ALK: variants seen among roughly 807,000 people sequenced by gnomAD.
The protein encoded by ALK is ALK tyrosine kinase receptor.
A neutral mutation model predicts 163.1 loss-of-function variants in ALK; 74 were observed. The observed-to-expected ratio is 0.45, with a 90% CI of 0.38 to 0.55. The LOEUF (loss-of-function observed/expected upper bound fraction) is 0.55, where lower values mean the gene tolerates loss of function less well. Ranked by LOEUF, ALK falls within the 20% of genes least tolerant of loss-of-function variation. The pLI is 0.00. For synonymous variants in ALK, 960 were observed against 843.2 expected (o/e 1.14, Z -2.40); for missense variants, 2,063 against 2,105.3 (o/e 0.98, Z 0.39).
chr2:29,643,076 A>G (rs1676750268), intron 3 of ALK, among the ~76,000 whole-genome samples: 1 of 152,146 alleles, frequency 6.6e-6, no homozygotes, highest in Admixed American at 6.5e-5. Flanking sequence ...CAGAGATAAA[A>G]TGGTATGGGG....
In ALK at chr2:29,806,984, ATAAT is replaced by A. The variant is rs1395295910; in HGVS notation, c.668-89291_668-89288del. On this transcript the variant is annotated intron_variant, in intron 1 of 28. Coordinates refer to ENST00000389048, the MANE Select transcript of ALK (RefSeq NM_004304.5). ...ACGTGCACGCACATACACACACACCATAATTAAAGAGATCTTAGACAACCCGACC... is the reference window on the plus strand; with the variant it reads ...ACGTGCACGCACATACACACACACCATAAAGAGATCTTAGACAACCCGACC... Among the ~76,000 whole-genome samples the A allele has an allele frequency of 2.0e-5, 3 of 152,366 alleles. No individual in the cohort carries two copies. In the East Asian group the frequency reaches 5.8e-4, roughly 29 times the overall value.
Position 29,193,163 on chromosome 2 carries a change from G to GATT in ALK, c.*60_*61insAAT. ...GTCTCTGGTTTGTGAAGGAGCCATT[G>GATT]CCTCTCTCTCCTCCACGGTCTTAGG... On this transcript the variant is annotated 3_prime_UTR_variant, in exon 29 of 29. Transcript: ENST00000389048. 6.4e-7 allele frequency: 1 copy of GATT among 1,558,698 alleles called. No individual in the cohort carries two copies. The highest frequency in any genetic ancestry group is 8.8e-7 in the Non-Finnish European group (1 of 1,134,452).
At chr2:29,748,132 G>C (rs79243272) in intron 1 of ALK, among the ~76,000 whole-genome samples, 2,273 of 152,302 alleles carry the variant, frequency 0.015, 26 homozygotes, top group Non-Finnish European at 0.022. Flanking sequence ...CCCACAACAA[G>C]AGATCCACAT....
At chr2:29,510,656 T>C (rs994528340) in intron 4 of ALK, among the ~76,000 whole-genome samples, 3 of 152,208 alleles carry the variant, frequency 2.0e-5, no homozygotes, top group African/African-American at 7.2e-5. Context: ...GAAACACCTA[T>C]ACAAAACAAT....
At chr2:29,808,450 C>A (rs1664673024) in intron 1 of ALK, among the ~76,000 whole-genome samples, 3 of 152,220 alleles carry the variant, frequency 2.0e-5, no homozygotes, top group Admixed American at 2.0e-4. Flanking sequence ...CCAGAGCCAA[C>A]TGATCCCCAA....
intron 1 of ALK, among the ~76,000 whole-genome samples, chr2:29,790,745 G>A (rs758890459): frequency 2.0e-5 from 3 of 152,054 alleles, no homozygotes; most frequent in Admixed American, 6.6e-5. Flanking sequence ...CACTACACCC[G>A]GCTAATTTTT....
intron 1 of ALK, among the ~76,000 whole-genome samples, chr2:29,757,236 G>T (rs1014599357): frequency 6.6e-6 from 1 of 152,168 alleles, no homozygotes; most frequent in Non-Finnish European, 1.5e-5. Context: ...AAAGCCAGAC[G>T]GGCATCTTGG....
At chr2:29,419,912 G>A (rs566050762) in intron 4 of ALK, among the ~76,000 whole-genome samples, 13 of 151,290 alleles carry the variant, frequency 8.6e-5, no homozygotes, top group Non-Finnish European at 1.5e-4. Context: ...CAAACCTAGC[G>A]CTTTGGGAGG....
At chr2:29,701,252 C>A (rs1678726254) in intron 2 of ALK, among the ~76,000 whole-genome samples, 2 of 152,190 alleles carry the variant, frequency 1.3e-5, no homozygotes. Flanking sequence ...CCTGTTAACC[C>A]AGAGACTAGT....
chr2:29,351,575 C>T (rs1668113045), intron 5 of ALK, among the ~76,000 whole-genome samples: 1 of 152,182 alleles, frequency 6.6e-6, no homozygotes, highest in South Asian at 2.1e-4. Flanking sequence ...ACTGGCCACA[C>T]CTGTGACTTG....
At chr2:29,582,846 C>G (rs1674749497) in intron 3 of ALK, among the ~76,000 whole-genome samples, 1 of 143,766 alleles carries the variant, frequency 7.0e-6, no homozygotes, top group South Asian at 2.2e-4. Flanking sequence ...AGTCAGAATT[C>G]AAACCCAGCA....
intron 11 of ALK, among the ~76,000 whole-genome samples, chr2:29,261,195 C>T (rs1665079710): frequency 6.6e-6 from 1 of 152,206 alleles, no homozygotes; most frequent in Admixed American, 6.5e-5. Flanking sequence ...AGGCCTGTTT[C>T]TTTCCTGTCT....
At chr2:29,477,377 G>A (rs1425989345) in intron 4 of ALK, among the ~76,000 whole-genome samples, 1 of 152,150 alleles carries the variant, frequency 6.6e-6, no homozygotes, top group Non-Finnish European at 1.5e-5. Flanking sequence ...GCAACACTTG[G>A]CTCTCTAGTT....
chr2:29,895,548 A>C (rs1667248469), intron 1 of ALK, among the ~76,000 whole-genome samples: 1 of 152,328 alleles, frequency 6.6e-6, no homozygotes, highest in East Asian at 1.9e-4. Context: ...TGCCTTAACA[A>C]CACCAATGCC....
At chr2:29,459,991 T>G (rs11695573) in intron 4 of ALK, among the ~76,000 whole-genome samples, 10,715 of 152,240 alleles carry the variant, frequency 0.07, 528 homozygotes, top group Non-Finnish European at 0.11. Context: ...TCCAAATCTC[T>G]AAGCAAGTAC....
At chr2:29,871,839 C>T (rs865970113) in intron 1 of ALK, among the ~76,000 whole-genome samples, 13 of 152,180 alleles carry the variant, frequency 8.5e-5, no homozygotes, top group African/African-American at 2.2e-4. Context: ...CTGATAAAAG[C>T]CTGGCATTAG....
At position 29,227,542 on chromosome 2, in the gene ALK, A is replaced by G; in HGVS notation, c.2914+32T>C. Reference sequence around the variant, plus strand: ...GCTTGGTGGGAGGACTGACCTAAGCAAGTTTGTTCTGCTGCCTGGCAGAGA... The same window carrying G: ...GCTTGGTGGGAGGACTGACCTAAGCGAGTTTGTTCTGCTGCCTGGCAGAGA... On this transcript the variant is annotated intron_variant, in intron 17 of 28. Coordinates refer to ENST00000389048, the MANE Select transcript of ALK (RefSeq NM_004304.5). This position sits in a 1 kb window ranked among gnomAD's most constrained non-coding sequence, Gnocchi z 4.4. 6.4e-7 allele frequency: 1 copy of G among 1,571,394 alleles called. No individual in the cohort carries two copies.
intron 3 of ALK, among the ~76,000 whole-genome samples, chr2:29,599,634 C>A (rs1675320589): frequency 6.6e-6 from 1 of 152,196 alleles, no homozygotes; most frequent in African/African-American, 2.4e-5. Context: ...ACTTGAGTTT[C>A]TTCTTGAAGA....
At chr2:29,919,800 C>T (rs1354082490) in intron 1 of ALK, among the ~76,000 whole-genome samples, 193 bp downstream of exon 1, 2 of 152,176 alleles carry the variant, frequency 1.3e-5, no homozygotes, top group African/African-American at 4.8e-5. Flanking sequence ...GGAAGGAAGA[C>T]CCCTGAACTG....
Sources: allele counts gnomAD v4.1 joint callset (sites outside exome capture counted in the v4.1 genomes callset), GRCh38; gene constraint gnomAD v4.1.1; non-coding constraint Gnocchi (gnomAD v3.1); transcripts MANE v1.5; gene names NCBI Gene and HGNC (gene_info 2026-07-23, HGNC 2026-07-21).